SLC1A3: variants seen among roughly 807,000 people sequenced by gnomAD.
SLC1A3 encodes solute carrier family 1 member 3, also known as excitatory amino acid transporter 1.
A neutral mutation model predicts 48.1 loss-of-function variants in SLC1A3; 21 were observed. The observed-to-expected ratio is 0.44, with a 90% CI of 0.31 to 0.63. The LOEUF (loss-of-function observed/expected upper bound fraction) is 0.63, where lower values mean the gene tolerates loss of function less well. Among genes scored for constraint, SLC1A3 ranks in the 20% least tolerant of loss-of-function variants. The probability of loss-of-function intolerance (pLI) is 0.08; values close to 1 mark genes in which losing one functional copy is unlikely to be tolerated. For synonymous variants in SLC1A3, 239 were observed against 251.4 expected (o/e 0.95, Z 0.47); for missense variants, 546 against 689.0 (o/e 0.79, Z 2.32).
intron 3 of SLC1A3, among the ~76,000 whole-genome samples, chr5:36,657,913 G>A (rs1472262981): frequency 6.6e-6 from 1 of 152,210 alleles, no homozygotes; most frequent in Non-Finnish European, 1.5e-5. Context: ...GGAATAATTT[G>A]TTTGGTTCTG....
intron 2 of SLC1A3, among the ~76,000 whole-genome samples, chr5:36,627,080 A>C (rs1739933848): frequency 6.6e-6 from 1 of 152,102 alleles, no homozygotes; most frequent in Non-Finnish European, 1.5e-5. Context: ...AAACCAGAAA[A>C]ACAGTTATAG....
chr5:36,603,686 C>T (rs1027136851), upstream of SLC1A3, among the ~76,000 whole-genome samples: 1 of 152,184 alleles, frequency 6.6e-6, no homozygotes, highest in African/African-American at 2.4e-5. Flanking sequence ...AGTTCTTCTA[C>T]ACCTACTGCC....
At chr5:36,664,854 C>A (rs1561274382) in intron 3 of SLC1A3, among the ~76,000 whole-genome samples, 1 of 152,120 alleles carries the variant, frequency 6.6e-6, no homozygotes. Flanking sequence ...GTTAGCAAAA[C>A]AGGGAAAATA....
chr5:36,642,708 A>T (rs569947611), intron 3 of SLC1A3, among the ~76,000 whole-genome samples: 1 of 151,998 alleles, frequency 6.6e-6, no homozygotes, highest in South Asian at 2.1e-4. Context: ...GTTGGCCATC[A>T]CCCCCCGATT....
intron 1 of SLC1A3, among the ~76,000 whole-genome samples, chr5:36,600,016 G>C (rs1381748434): frequency 1.3e-5 from 2 of 152,068 alleles, no homozygotes; most frequent in Admixed American, 6.6e-5. Flanking sequence ...TGGAGTTCTT[G>C]GAGTTTAACT....
intron 3 of SLC1A3, among the ~76,000 whole-genome samples, chr5:36,665,864 A>C (rs1741720535): frequency 6.6e-6 from 1 of 152,224 alleles, no homozygotes; most frequent in Non-Finnish European, 1.5e-5. Flanking sequence ...CTGTGATGCA[A>C]AATTGTGACA....
At chr5:36,654,927 G>A (rs1741229333) in intron 3 of SLC1A3, among the ~76,000 whole-genome samples, 1 of 152,184 alleles carries the variant, frequency 6.6e-6, no homozygotes, top group African/African-American at 2.4e-5. Context: ...CGCTCTGGCT[G>A]CATTTATTTG....
At chr5:36,647,396 A>AT (rs1740881506) in intron 3 of SLC1A3, among the ~76,000 whole-genome samples, 1 of 152,252 alleles carries the variant, frequency 6.6e-6, no homozygotes, top group Non-Finnish European at 1.5e-5. Context: ...ATTTCTCTGG[A>AT]GTAAAGCATC....
chr5:36,679,298 C>T (rs1285864559), intron 6 of SLC1A3, among the ~76,000 whole-genome samples: 1 of 152,100 alleles, frequency 6.6e-6, no homozygotes, highest in Non-Finnish European at 1.5e-5. Context: ...GGAGGGCTGG[C>T]TAGGAAGACA....
chr5:36,619,275 C>A (rs572336297), intron 2 of SLC1A3, among the ~76,000 whole-genome samples: 1 of 152,310 alleles, frequency 6.6e-6, no homozygotes, highest in South Asian at 2.1e-4. Context: ...TTGACAGAAA[C>A]AAAAGACCAG....
At chr5:36,665,726 G>A (rs1339410833) in intron 3 of SLC1A3, among the ~76,000 whole-genome samples, 1 of 152,162 alleles carries the variant, frequency 6.6e-6, no homozygotes, top group Non-Finnish European at 1.5e-5. Context: ...GGAAACTGAG[G>A]CTTGGAGAAG....
At position 36,635,173 on chromosome 5, in the gene SLC1A3, G is replaced by GAA. The variant is rs545440959; in HGVS notation, c.319+5599_319+5600dup. Among the ~76,000 whole-genome samples, 1,018 of 132,346 alleles carry GAA rather than the reference G, an allele frequency of 7.7e-3. 22 individuals carry two copies. Among genetic ancestry groups the GAA allele is most frequent in the East Asian group, 0.06 (275 of 4,574 alleles). The allele number at this position is 132,346 out of a possible 152,430, so 86.8% of individuals were successfully genotyped here. A position where few individuals can be genotyped will look rare whatever the true frequency, so the allele number is the denominator to read the frequency against. On this transcript the variant is annotated intron_variant, in intron 3 of 9. Transcript: ENST00000265113. Reference sequence around the variant, plus strand: ...TCAACACCTACCCGTACGTTGTATTGAAAAAAAAAAAAAACAGTATCTAAC... The same window carrying GAA: ...TCAACACCTACCCGTACGTTGTATTGAAAAAAAAAAAAAAAACAGTATCTAAC...
chr5:36,681,718 T>C (rs6862950), intron 8 of SLC1A3, among the ~76,000 whole-genome samples: 68,426 of 152,030 alleles, frequency 0.45, 16,169 homozygotes, highest in Non-Finnish European at 0.54. Flanking sequence ...TCCTTTTTGC[T>C]TATTAAAAGT....
At chr5:36,602,336 A>G (rs1306023763), upstream of SLC1A3, among the ~76,000 whole-genome samples, 1 of 152,006 alleles carries the variant, frequency 6.6e-6, no homozygotes, top group Non-Finnish European at 1.5e-5. Context: ...ACCAGTAATA[A>G]TAGAGTAGAA....
intron 3 of SLC1A3, chr5:36,649,188 A>C (rs1740955771): frequency 6.6e-6 from 1 of 152,132 alleles, no homozygotes; most frequent in African/African-American, 2.4e-5. Context: ...TACTAAAAAA[A>C]AAATACAAAA....
intron 2 of SLC1A3, among the ~76,000 whole-genome samples, chr5:36,629,213 T>C (rs1399061627): frequency 6.6e-6 from 1 of 152,188 alleles, no homozygotes; most frequent in Non-Finnish European, 1.5e-5. Flanking sequence ...TTTTTTTACT[T>C]GTTGAAACTA....
At chr5:36,627,649 T>C (rs1028051969) in intron 2 of SLC1A3, among the ~76,000 whole-genome samples, 1 of 152,230 alleles carries the variant, frequency 6.6e-6, no homozygotes, top group African/African-American at 2.4e-5. Context: ...TCAGGAGACC[T>C]AAAAGTGATG....
chr5:36,670,191 A>G (rs1741930205), intron 3 of SLC1A3, among the ~76,000 whole-genome samples: 1 of 152,204 alleles, frequency 6.6e-6, no homozygotes, highest in East Asian at 1.9e-4. Flanking sequence ...GAAAACCTTA[A>G]AAGTCATGCC....
Position 36,671,039 on chromosome 5 carries a change from G to A in SLC1A3, c.330G>A (p.Ala110=), listed in dbSNP as rs769799709. The A allele has an allele frequency of 3.4e-5, 55 of 1,613,764 alleles. No individual in the cohort carries two copies. Among genetic ancestry groups the A allele is most frequent in the South Asian group, 3.1e-4 (28 of 91,088 alleles). ...GTTTGCCTCCACCAGGAATGGCGGC[G>A]CTAGATAGTAAGGCATCAGGGAAGA... The part of the protein sequence containing the change: ...IISSLVTGMA[A]LDSKASGKMG... Residue 110 remains alanine, a synonymous_variant, in exon 4 of 10, where the codon GCG becomes GCA. Transcript: ENST00000265113.
Sources: allele counts gnomAD v4.1 joint callset (sites outside exome capture counted in the v4.1 genomes callset), GRCh38; gene constraint gnomAD v4.1.1; transcripts MANE v1.5; gene names NCBI Gene and HGNC (gene_info 2026-07-23, HGNC 2026-07-21).